Variants in THSD4 observed in about 807,000 individuals in gnomAD.
THSD4 encodes thrombospondin type-1 domain-containing protein 4.
THSD4 carries 69 observed loss-of-function variants against 119.0 expected under a neutral mutation model. That is an observed-to-expected ratio of 0.58 (90% CI 0.48 to 0.71). The LOEUF (loss-of-function observed/expected upper bound fraction) is 0.71, where lower values mean the gene tolerates loss of function less well. Among genes scored for constraint, THSD4 ranks in the 30% least tolerant of loss-of-function variants. The probability of loss-of-function intolerance (pLI) is 0.00; values close to 1 mark genes in which losing one functional copy is unlikely to be tolerated. For synonymous variants in THSD4, 524 were observed against 540.4 expected, an observed-to-expected ratio of 0.97 and a Z score of 0.42; for missense variants, 1,393 against 1,391.1, an observed-to-expected ratio of 1.00 and a Z score of -0.02.
chr15:71,205,803 G>A (rs2043839039), intron 3 of THSD4, among the ~76,000 whole-genome samples: 1 of 151,366 alleles, frequency 6.6e-6, no homozygotes, highest in African/African-American at 2.4e-5. Context: ...TAAATCATCT[G>A]TCTCAGATGA....
At chr15:71,251,822 T>G (rs1384663800) in intron 5 of THSD4, among the ~76,000 whole-genome samples, 2 of 152,096 alleles carry the variant, frequency 1.3e-5, no homozygotes, top group African/African-American at 4.8e-5. Flanking sequence ...TCATTTCAGA[T>G]TAACCAGGGT....
intron 6 of THSD4, among the ~76,000 whole-genome samples, chr15:71,265,112 C>T (rs2044448770): frequency 6.6e-6 from 1 of 151,960 alleles, no homozygotes; most frequent in Non-Finnish European, 1.5e-5. Flanking sequence ...TTCACTGAGG[C>T]AGGGAAAGGA....
intron 5 of THSD4, among the ~76,000 whole-genome samples, chr15:71,254,735 T>C (rs2044295084): frequency 6.6e-6 from 1 of 152,154 alleles, no homozygotes; most frequent in South Asian, 2.1e-4. Context: ...TGGAGACAGC[T>C]GGTGTTGCTG....
At chr15:71,576,972 A>G (rs1004576224) in intron 7 of THSD4, among the ~76,000 whole-genome samples, 3 of 152,122 alleles carry the variant, frequency 2.0e-5, no homozygotes, top group Admixed American at 1.3e-4. Context: ...TTGGAGTGAT[A>G]TACAATTACT....
chr15:71,265,616 C>A (rs2044455989), intron 6 of THSD4, among the ~76,000 whole-genome samples: 2 of 152,074 alleles, frequency 1.3e-5, no homozygotes, highest in Admixed American at 1.3e-4. Flanking sequence ...ACTGTTCACT[C>A]CCCTGGAAAG....
Position 71,173,041 on chromosome 15 carries a change from A to G in THSD4, c.99+18109A>G, listed in dbSNP as rs141609108. Reference sequence around the variant, plus strand: ...TCTAGGAGAAGCAATTAGGCAAGAAAAAGAAATAAAAGGCTTCCAAATTGG... The same window carrying G: ...TCTAGGAGAAGCAATTAGGCAAGAAGAAGAAATAAAAGGCTTCCAAATTGG... On this transcript the variant is annotated intron_variant, in intron 3 of 17. Coordinates refer to ENST00000261862, the MANE Select transcript of THSD4 (RefSeq NM_024817.3). 5.6e-3 allele frequency among the ~76,000 whole-genome samples: 851 copies of G among 152,156 alleles called. 7 individuals carry two copies. Among genetic ancestry groups the G allele is most frequent in the African/African-American group, 0.019 (810 of 41,542 alleles).
chr15:71,319,574 G>A (rs541233969), intron 6 of THSD4, among the ~76,000 whole-genome samples: 2 of 152,202 alleles, frequency 1.3e-5, no homozygotes, highest in South Asian at 4.2e-4. Flanking sequence ...CAAAGGACAT[G>A]AATTCATCCT....
At position 71,295,502 on chromosome 15, in the gene THSD4, T is replaced by G. The variant is rs555311358; in HGVS notation, c.1015+38787T>G. Among the ~76,000 whole-genome samples, 3 of 152,306 alleles carry G rather than the reference T, an allele frequency of 2.0e-5. No individual in the cohort carries two copies. In the South Asian group the frequency reaches 6.2e-4, roughly 32 times the overall value. ...ATTTCATCAGGTCATCTCCTAGCGT[T>G]CCATTTCCTTTTGTGGAGACACAGA... On this transcript the variant is annotated intron_variant, in intron 6 of 17. Transcript: ENST00000261862.
rs137870587 is a variant in THSD4 at position 71,311,731 on chromosome 15, C to G, written c.1015+55016C>G. On this transcript the variant is annotated intron_variant, in intron 6 of 17. Coordinates refer to ENST00000261862, the MANE Select transcript of THSD4 (RefSeq NM_024817.3). ...TCACCTGGGTAAATGGCACCACCAT[C>G]TACCCATTGCTCAAGCCAAATGCTT... is the stretch of plus-strand genomic sequence containing the variant. Among the ~76,000 whole-genome samples the G allele has an allele frequency of 8.6e-4, 131 of 152,350 alleles. 2 individuals are homozygous for G. Among genetic ancestry groups the G allele is most frequent in the African/African-American group, 2.8e-3 (117 of 41,582 alleles).
At chr15:71,208,515 A>AT (rs57597488) in intron 3 of THSD4, among the ~76,000 whole-genome samples, 104,326 of 149,334 alleles carry the variant, frequency 0.7, 36,808 homozygotes, top group Middle Eastern at 0.77. Context: ...TTTCTTTTTT[A>AT]TTTTTTTTTA....
chr15:71,282,241 C>T (rs1025820525), intron 6 of THSD4, among the ~76,000 whole-genome samples: 2 of 152,056 alleles, frequency 1.3e-5, no homozygotes, highest in Non-Finnish European at 2.9e-5. Flanking sequence ...CGCATTTTCC[C>T]AAATGAGGAA....
chr15:71,744,693 AT>A (rs1211178873), intron 11 of THSD4, among the ~76,000 whole-genome samples: 1 of 152,140 alleles, frequency 6.6e-6, no homozygotes, highest in Non-Finnish European at 1.5e-5. Context: ...AGCTTGGCCC[AT>A]TTAGGACACT....
At chr15:71,738,695 A>G (rs1441606032) in intron 11 of THSD4, among the ~76,000 whole-genome samples, 1 of 152,176 alleles carries the variant, frequency 6.6e-6, no homozygotes, top group Non-Finnish European at 1.5e-5. Context: ...AACACATGCC[A>G]AGTACTGCCA....
At chr15:71,491,351 G>A (rs557755225) in intron 7 of THSD4, among the ~76,000 whole-genome samples, 5 of 152,276 alleles carry the variant, frequency 3.3e-5, no homozygotes, top group East Asian at 1.9e-4. Flanking sequence ...ATCCAACTAC[G>A]GTATTTGAGA....
chr15:71,120,780 G>A (rs2040402590), intron 1 of THSD4, among the ~76,000 whole-genome samples: 1 of 152,242 alleles, frequency 6.6e-6, no homozygotes, highest in Non-Finnish European at 1.5e-5. Flanking sequence ...AAAGACAAGA[G>A]GAAATGAGAT....
intron 7 of THSD4, among the ~76,000 whole-genome samples, chr15:71,443,261 A>G (rs1393037272): frequency 6.6e-6 from 1 of 152,140 alleles, no homozygotes; most frequent in Admixed American, 6.5e-5. Flanking sequence ...ATTCCTTTTT[A>G]GGGAGATTGG....
upstream of THSD4, chr15:71,111,337 C>A (rs1567128116): frequency 1.9e-6 from 3 of 1,613,866 alleles, no homozygotes; most frequent in Non-Finnish European, 2.5e-6. Context: ...AGAATTTTCT[C>A]TTGCCCAGTT....
At chr15:71,442,579 A>AAAAATATATATATAT (rs1195413080) in intron 7 of THSD4, among the ~76,000 whole-genome samples, 1 of 39,864 alleles carries the variant, frequency 2.5e-5, no homozygotes, top group Non-Finnish European at 5.6e-5. Flanking sequence ...AAAAAAAAAA[A>AAAAATATATATATAT]ATATATATAT....
At chr15:71,216,719 C>T (rs537356649) in intron 4 of THSD4, among the ~76,000 whole-genome samples, 2 of 152,338 alleles carry the variant, frequency 1.3e-5, no homozygotes, top group East Asian at 1.9e-4. Context: ...CCCTCTAGGA[C>T]GGTCTGCTCC....
Sources: allele counts gnomAD v4.1 joint callset (sites outside exome capture counted in the v4.1 genomes callset), GRCh38; gene constraint gnomAD v4.1.1; transcripts MANE v1.5; gene names NCBI Gene and HGNC (gene_info 2026-07-23, HGNC 2026-07-21).